The following GALK2 variants were observed in gnomAD, a reference collection of about 807,000 sequenced individuals.
GALK2 encodes galactokinase 2.
GALK2 carries 36 observed loss-of-function variants against 52.4 expected under a neutral mutation model. The ratio of observed to expected loss-of-function variants is 0.69; its 90% confidence interval spans 0.53 to 0.91. GALK2 has a LOEUF of 0.91. GALK2 is among the 40% of genes least tolerant of loss of function. The probability of loss-of-function intolerance (pLI) is 0.00; values close to 1 mark genes in which losing one functional copy is unlikely to be tolerated. For synonymous variants in GALK2, 176 were observed against 199.1 expected (o/e 0.88, Z 0.98); for missense variants, 579 against 559.1 (o/e 1.04, Z -0.36).
chr15:49,286,888 CA>C (rs921175794), intron 7 of GALK2, among the ~76,000 whole-genome samples: 9 of 152,114 alleles, frequency 5.9e-5, no homozygotes, highest in African/African-American at 2.2e-4. Context: ...ACATTGTTTT[CA>C]AAGTTTTATC....
At chr15:49,208,166 T>C (rs933126244) in intron 2 of GALK2, among the ~76,000 whole-genome samples, 3 of 152,238 alleles carry the variant, frequency 2.0e-5, no homozygotes, top group African/African-American at 7.2e-5. Flanking sequence ...TCTGCTCTGA[T>C]ATTGGTTATT....
At chr15:49,354,403 C>G (rs528431859) in intron 3 of GALK2, among the ~76,000 whole-genome samples, 44 of 152,318 alleles carry the variant, frequency 2.9e-4, no homozygotes, top group Admixed American at 7.2e-4. Flanking sequence ...CGTGCGTGAG[C>G]CGAAGCAGGG....
At chr15:49,344,288 C>T (rs2041152530) in intron 3 of GALK2, 1 of 152,110 alleles carries the variant, frequency 6.6e-6, no homozygotes, top group Admixed American at 6.5e-5. Flanking sequence ...CATACAAATA[C>T]ATATTTTACA....
upstream of GALK2, chr15:49,170,161 C>T (rs2084965727): frequency 6.9e-7 from 1 of 1,449,954 alleles, no homozygotes; most frequent in Non-Finnish European, 9.1e-7. Context: ...AGAGGAGGGG[C>T]CGATTGGAAG....
At chr15:49,161,758 GC>G in intron 1 of GALK2, 1 of 189,414 alleles carries the variant, frequency 5.3e-6, no homozygotes, top group Non-Finnish European at 1.1e-5. Context: ...TTGCTTTGTT[GC>G]CCAGTCTAGA....
At chr15:49,227,679 A>T (rs1474093735) in intron 3 of GALK2, among the ~76,000 whole-genome samples, 2 of 150,858 alleles carry the variant, frequency 1.3e-5, no homozygotes, top group African/African-American at 2.4e-5. Context: ...CATTTTGTTA[A>T]TTGACTTCTG....
chr15:49,328,716 T>G lies in GALK2; in HGVS notation c.*557T>G. The G allele has an allele frequency of 6.5e-7, 1 of 1,545,226 alleles. No homozygotes were observed. Among genetic ancestry groups the G allele is most frequent in the Non-Finnish European group, 8.7e-7 (1 of 1,143,216 alleles). On this transcript the variant is annotated 3_prime_UTR_variant, in exon 10 of 10. Transcript: ENST00000560031. ...ATGATTAAAGTTTCACAGATCTTCTTGGACATTGTATAATTGAATTTGAAT... is the reference window on the plus strand; with the variant it reads ...ATGATTAAAGTTTCACAGATCTTCTGGGACATTGTATAATTGAATTTGAAT...
In GALK2 at chr15:49,239,316, C is replaced by T; in HGVS notation, c.453C>T (p.Val151=). 6.2e-7 allele frequency: 1 copy of T among 1,614,120 alleles called. No individual in the cohort carries two copies. The highest frequency in any genetic ancestry group is 8.5e-7 in the Non-Finnish European group (1 of 1,179,992). ...GCCTCTCCAGCTCCAGTGCTTTGGT[C>T]TGTTGTGCTGGCTTGGTGACGCTCA... ...SSGLSSSSAL[V]CCAGLVTLTV... is the part of the protein sequence containing the mutation. The change falls in exon 5 of 10, where the codon GTC becomes GTT. Residue 151 remains valine, a synonymous_variant. Coordinates refer to ENST00000560031, the MANE Select transcript of GALK2 (RefSeq NM_002044.4).
chr15:49,184,072 T>G (rs925730510), intron 1 of GALK2, among the ~76,000 whole-genome samples: 18 of 152,164 alleles, frequency 1.2e-4, no homozygotes, highest in African/African-American at 4.1e-4. Context: ...AGTGTTGAAG[T>G]CTCCAGCTAT....
At chr15:49,177,843 ATCTT>A (rs1297316394) in intron 1 of GALK2, 4 of 254,792 alleles carry the variant, frequency 1.6e-5, no homozygotes, top group African/African-American at 9.1e-5. Context: ...TGTATGTTGA[ATCTT>A]CACCGAAGTG....
In GALK2 at chr15:49,328,312, T is replaced by C. The variant is rs2037883895; in HGVS notation, c.*153T>C. On this transcript the variant is annotated 3_prime_UTR_variant, in exon 10 of 10. Coordinates refer to ENST00000560031, the MANE Select transcript of GALK2 (RefSeq NM_002044.4). ...TATTTTCAAAGAAATGGTTGAAAGC[T>C]CTCTATGCTTCATAATGATTCTTTT... The C allele has an allele frequency of 7.7e-6, 11 of 1,433,574 alleles. No homozygotes were observed. Among genetic ancestry groups the C allele is most frequent in the Non-Finnish European group, 1.0e-5 (11 of 1,097,576 alleles). 88.8% of individuals were successfully genotyped at this position (1,433,574 alleles called of 1,614,324 possible).
At chr15:49,235,717 GAC>G (rs145062797) in intron 3 of GALK2, 132 bp from the exon 4 acceptor site, 7 of 777,542 alleles carry the variant, frequency 9.0e-6, no homozygotes, top group Middle Eastern at 2.3e-4. Context: ...TTTTGCTGTA[GAC>G]ACACAGTTTG....
At chr15:49,158,270 A>G (rs1311533018) in intron 1 of GALK2, among the ~76,000 whole-genome samples, 2 of 152,248 alleles carry the variant, frequency 1.3e-5, no homozygotes, top group East Asian at 3.8e-4. Context: ...AGAATTCAAC[A>G]AGATGACGGA....
rs143532768 is a variant in GALK2, at chr15:49,353,123, C to T, written c.427-14368C>T. 4.4e-3 allele frequency among the ~76,000 whole-genome samples: 677 copies of T among 152,242 alleles called. 10 individuals are homozygous for T. Among genetic ancestry groups the T allele is most frequent in the Admixed American group, 6.7e-3 (102 of 15,294 alleles). On this transcript the variant is annotated intron_variant, in intron 3 of 3. Coordinates refer to the GALK2 transcript ENST00000558399. ...TTTCAGGGAAAAATGGAAATAGTTGCCAATTCAGCCACTGATAGTGTGGAA... is the reference window on the plus strand; with the variant it reads ...TTTCAGGGAAAAATGGAAATAGTTGTCAATTCAGCCACTGATAGTGTGGAA...
At chr15:49,232,721 A>G (rs1037898721) in intron 3 of GALK2, among the ~76,000 whole-genome samples, 1 of 152,212 alleles carries the variant, frequency 6.6e-6, no homozygotes, top group Middle Eastern at 3.2e-3. Context: ...CCTGTCAGTA[A>G]CCTAAACCAT....
chr15:49,197,503 G>A (rs998176673), intron 1 of GALK2, among the ~76,000 whole-genome samples: 1 of 151,988 alleles, frequency 6.6e-6, no homozygotes, highest in African/African-American at 2.4e-5. Context: ...AGATATCTTG[G>A]GGATAGCACC....
Position 49,292,459 on chromosome 15 carries a change from C to T in GALK2, c.889C>T (p.Pro297Ser). Residue 297 changes from proline (P) to serine (S), a missense_variant, in exon 8 of 10, where the codon CCT (proline) becomes TCT (serine). Physicochemically the swap from Pro to Ser is moderately conservative, Grantham distance 74. Coordinates refer to ENST00000560031, the MANE Select transcript of GALK2 (RefSeq NM_002044.4). ...EDALHPEPYN[P>S]EEICRCLGIS... ...TGCCCTTCATCCTGAACCCTATAAC[C>T]CTGAGGAGATCTGCAGGTGTCTGGG... The T allele has an allele frequency of 2.5e-6, 4 of 1,613,976 alleles. No individual in the cohort carries two copies. Among genetic ancestry groups the T allele is most frequent in the South Asian group, 1.1e-5 (1 of 91,078 alleles).
rs147794087 is a variant in GALK2, at chr15:49,319,681, T to G, written c.1045T>G (p.Cys349Gly). ...AARVLQFKKI[C>G]EEAPENMVQL... ...GCGAGTGCTCCAGTTTAAGAAGATA[T>G]GTGAAGAAGCACCTGAAAACATGGT... Residue 349 changes from cysteine (C) to glycine (G), a missense_variant, in exon 9 of 10, where the codon TGT becomes GGT. Physicochemically the swap from Cys to Gly is radical, Grantham distance 159 (BLOSUM62 -3). Coordinates refer to ENST00000560031, the MANE Select transcript of GALK2 (RefSeq NM_002044.4). The G allele has an allele frequency of 3.1e-6, 5 of 1,613,940 alleles. No homozygotes were observed. In the Admixed American group the frequency reaches 5.0e-5, roughly 16 times the overall value.
Position 49,330,766 on chromosome 15 carries a change from A to G in GALK2, c.*2607A>G, listed in dbSNP as rs2038555587. On this transcript the variant is annotated 3_prime_UTR_variant, in exon 10 of 10. Transcript: ENST00000560031. ...ACCAAAAAAAAAAAAAAAGAGAGAAAGAATGAATATTTTTGTGTGTGGATG... is the reference window on the plus strand; with the variant it reads ...ACCAAAAAAAAAAAAAAAGAGAGAAGGAATGAATATTTTTGTGTGTGGATG... The G allele has an allele frequency of 6.6e-6, 1 of 151,504 alleles. No individual in the cohort carries two copies. The highest frequency in any genetic ancestry group is 1.5e-5 in the Non-Finnish European group (1 of 67,862). The allele number at this position is 151,504 out of a possible 1,614,324, so 9.4% of individuals were successfully genotyped here.
Sources: gnomAD v4.1 joint callset for allele counts (sites outside exome capture counted in the v4.1 genomes callset) on GRCh38, gnomAD v4.1.1 for gene constraint, MANE v1.5 for transcripts, NCBI Gene and HGNC (gene_info 2026-07-23, HGNC 2026-07-21) for gene names.